ANO3: variants seen among roughly 807,000 people sequenced by gnomAD.
ANO3 encodes anoctamin 3, also known as anoctamin-3.
ANO3 carries 99 observed loss-of-function variants against 144.8 expected under a neutral mutation model. The observed-to-expected ratio is 0.68, with a 90% CI of 0.58 to 0.81. The LOEUF is 0.81. Among genes scored for constraint, ANO3 ranks in the 30% least tolerant of loss-of-function variants. The pLI is 0.00. For missense variants in ANO3, 905 were observed against 1,202.2 expected (o/e 0.75, Z 3.66); for synonymous variants, 414 against 392.6 (o/e 1.05, Z -0.64).
intron 1 of ANO3, among the ~76,000 whole-genome samples, chr11:26,197,429 A>C (rs1192152296): frequency 6.6e-6 from 1 of 151,950 alleles, no homozygotes; most frequent in Non-Finnish European, 1.5e-5. Context: ...GCTCACTGCA[A>C]CCTCCACCTC....
intron 1 of ANO3, among the ~76,000 whole-genome samples, chr11:26,414,616 G>A (rs1259915587): frequency 2.6e-5 from 4 of 151,856 alleles, no homozygotes; most frequent in African/African-American, 4.8e-5. Context: ...GGGAGGGATA[G>A]CATTAGGACA....
At chr11:26,649,269 G>A (rs2133078592) in intron 24 of ANO3, among the ~76,000 whole-genome samples, 1 of 152,092 alleles carries the variant, frequency 6.6e-6, no homozygotes, top group Non-Finnish European at 1.5e-5. Flanking sequence ...ACATTTTAAA[G>A]GTATATAACA....
intron 1 of ANO3, among the ~76,000 whole-genome samples, chr11:26,381,822 C>T (rs1475527308): frequency 2.0e-5 from 3 of 152,076 alleles, no homozygotes; most frequent in African/African-American, 7.2e-5. Context: ...TTCCCAAGGG[C>T]AATGATTGTC....
chr11:26,525,098 A>T (rs1849128166), intron 6 of ANO3, among the ~76,000 whole-genome samples: 1 of 151,974 alleles, frequency 6.6e-6, no homozygotes. Flanking sequence ...TTGCATTTTC[A>T]CATTTTATTT....
chr11:26,203,977 G>A (rs1851747643), intron 1 of ANO3, among the ~76,000 whole-genome samples: 1 of 152,106 alleles, frequency 6.6e-6, no homozygotes, highest in Middle Eastern at 3.2e-3. Context: ...ACAACATGTG[G>A]ATTATTCCAG....
intron 5 of ANO3, among the ~76,000 whole-genome samples, chr11:26,514,274 A>G (rs1861779113): frequency 6.6e-6 from 1 of 152,122 alleles, no homozygotes; most frequent in Non-Finnish European, 1.5e-5. Context: ...TCTACCAAAG[A>G]TGAATTGAGT....
At chr11:26,517,234 C>G (rs1372993130) in intron 6 of ANO3, among the ~76,000 whole-genome samples, 1 of 151,924 alleles carries the variant, frequency 6.6e-6, no homozygotes, top group Non-Finnish European at 1.5e-5. Context: ...TATGGGTGGG[C>G]AGAACTCTTT....
chr11:26,483,376 G>C (rs1175378158), intron 4 of ANO3, among the ~76,000 whole-genome samples: 1 of 152,158 alleles, frequency 6.6e-6, no homozygotes, highest in Admixed American at 6.5e-5. Context: ...GTAATCTCCA[G>C]TTCTGGAGGA....
intron 4 of ANO3, among the ~76,000 whole-genome samples, chr11:26,482,828 C>T (rs1860277291): frequency 6.6e-6 from 1 of 152,082 alleles, no homozygotes; most frequent in African/African-American, 2.4e-5. Flanking sequence ...TTAGCTTGCA[C>T]TTATGTGAAC....
intron 6 of ANO3, 75 bp downstream of exon 6, chr11:26,517,002 C>G: frequency 1.3e-6 from 1 of 758,290 alleles, no homozygotes; most frequent in Non-Finnish European, 2.1e-6. Flanking sequence ...CTTAGAGCAA[C>G]AAATGCAACC....
intron 1 of ANO3, among the ~76,000 whole-genome samples, chr11:26,195,494 T>C (rs1186127114): frequency 1.3e-5 from 2 of 152,210 alleles, no homozygotes; most frequent in African/African-American, 2.4e-5. Flanking sequence ...GATGCCTTCT[T>C]TGAATTATGA....
chr11:26,642,694 C>T (rs11029660), intron 22 of ANO3, among the ~76,000 whole-genome samples: 16,411 of 152,152 alleles, frequency 0.11, 1,295 homozygotes, highest in African/African-American at 0.23. Flanking sequence ...ATTCTACTCA[C>T]GCAAAGCAAT....
At chr11:26,314,775 G>T (rs898735) in intron 1 of ANO3, among the ~76,000 whole-genome samples, 12,785 of 152,162 alleles carry the variant, frequency 0.084, 1,142 homozygotes, top group African/African-American at 0.23. Context: ...ATCCAAGTCA[G>T]ATTAGTAATG....
chr11:26,454,437 T>C (rs1160916035), intron 3 of ANO3, among the ~76,000 whole-genome samples: 2 of 152,152 alleles, frequency 1.3e-5, no homozygotes, highest in African/African-American at 4.8e-5. Context: ...CATCAGAGAA[T>C]ACTACAAACA....
intron 23 of ANO3, 58 bp from the exon 24 acceptor site, chr11:26,647,651 T>A (rs1853391337): frequency 6.7e-7 from 1 of 1,494,584 alleles, no homozygotes; most frequent in Non-Finnish European, 9.1e-7. Flanking sequence ...ATAAGATTAA[T>A]TACAGGGTTT....
At chr11:26,223,270 C>T (rs4485063) in intron 1 of ANO3, among the ~76,000 whole-genome samples, 4,007 of 152,224 alleles carry the variant, frequency 0.026, 70 homozygotes, top group Middle Eastern at 0.051. Context: ...GACATGAACA[C>T]GGACAGAATT....
intron 4 of ANO3, among the ~76,000 whole-genome samples, chr11:26,474,372 AATGT>A (rs1859885447): frequency 6.6e-6 from 1 of 151,862 alleles, no homozygotes; most frequent in African/African-American, 2.4e-5. Flanking sequence ...TGTCTTTTTG[AATGT>A]ATTTATTGAT....
chr11:26,497,426 G>A (rs1037628912), intron 4 of ANO3, among the ~76,000 whole-genome samples: 13 of 152,154 alleles, frequency 8.5e-5, no homozygotes, highest in African/African-American at 3.1e-4. Context: ...ATTCCATGCT[G>A]TTTTTGATAG....
At chr11:26,241,934 T>C (rs1852671593) in intron 1 of ANO3, among the ~76,000 whole-genome samples, 1 of 152,310 alleles carries the variant, frequency 6.6e-6, no homozygotes, top group Admixed American at 6.5e-5. Context: ...CAGAAGCAAG[T>C]AAGATTTAAT....
Sources: gnomAD v4.1 joint callset for allele counts (sites outside exome capture counted in the v4.1 genomes callset) on GRCh38, gnomAD v4.1.1 for gene constraint, MANE v1.5 for transcripts, NCBI Gene and HGNC (gene_info 2026-07-23, HGNC 2026-07-21) for gene names.